TNRC18: variants seen among roughly 807,000 people sequenced by gnomAD.
TNRC18 encodes the protein trinucleotide repeat-containing gene 18 protein.
TNRC18 carries 69 observed loss-of-function variants against 226.7 expected under a neutral mutation model. That is an observed-to-expected ratio of 0.30 (90% CI 0.25 to 0.37). The LOEUF (loss-of-function observed/expected upper bound fraction) is 0.37. Ranked by LOEUF, TNRC18 falls within the 10% of genes least tolerant of loss-of-function variation. The pLI, the probability that TNRC18 is intolerant of heterozygous loss-of-function variation, is 1.00. For synonymous variants in TNRC18, 2,449 were observed against 1,927.6 expected, an observed-to-expected ratio of 1.27 and a Z score of -7.09; for missense variants, 4,754 against 4,256.6, an observed-to-expected ratio of 1.12 and a Z score of -3.25.
intron 19 of TNRC18, chr7:5,325,477 G>A (rs1301532925): frequency 4.6e-5 from 22 of 475,334 alleles, no homozygotes; most frequent in South Asian, 7.2e-5. Flanking sequence ...AGGCTGGAGC[G>A]CAGTGGCGCG....
intron 5 of TNRC18, among the ~76,000 whole-genome samples, chr7:5,385,504 AAAAAAAAAAAAAAG>A (rs1434756254): frequency 2.3e-5 from 2 of 86,252 alleles, no homozygotes; most frequent in Non-Finnish European, 4.7e-5. Context: ...CAAAAAAAAA[AAAAAAAAAAAAAAG>A]AAAAAAAAAT....
Position 5,312,332 on chromosome 7 carries a change from C to T in TNRC18, c.8388+171G>A, listed in dbSNP as rs1369696887. On this transcript the variant is annotated intron_variant, in intron 27 of 29. Coordinates refer to ENST00000430969, the MANE Select transcript of TNRC18 (RefSeq NM_001080495.3). This position sits in a 1 kb window ranked among gnomAD's most constrained non-coding sequence, Gnocchi z 6.3. ...ATCGGAGTCCGACAGACCCAGGTGC[C>T]TGAGGACACTCTGAGACTCAGTGTA... is the stretch of plus-strand genomic sequence containing the variant. 1.3e-5 allele frequency among the ~76,000 whole-genome samples: 2 copies of T among 152,220 alleles called. No individual in the cohort carries two copies. The highest frequency in any genetic ancestry group is 2.9e-5 in the Non-Finnish European group (2 of 68,038).
chr7:5,323,797 A>G (rs893353284), intron 21 of TNRC18, among the ~76,000 whole-genome samples: 4 of 151,746 alleles, frequency 2.6e-5, no homozygotes, highest in African/African-American at 9.7e-5. Context: ...GGAACTCCTG[A>G]CCTCAGGTGA....
chr7:5,323,436 C>G lies in TNRC18; in HGVS notation c.6442+778G>C, dbSNP rs911818560. ...ACTCCCTCCTAATGTGTGCACCCTG[C>G]CCCGCCTCCTTCCCTGCTGCCCCCA... On this transcript the variant is annotated intron_variant, in intron 21 of 29. Coordinates refer to ENST00000430969, the MANE Select transcript of TNRC18 (RefSeq NM_001080495.3). Among the ~76,000 whole-genome samples the G allele has an allele frequency of 5.9e-5, 9 of 151,476 alleles. 1 individual carries two copies. The highest frequency in any genetic ancestry group is 5.3e-4 in the Admixed American group (8 of 15,142).
chr7:5,374,539 C>G, intron 9 of TNRC18, 55 bp from the exon 10 acceptor site: 1 of 1,499,358 alleles, frequency 6.7e-7, no homozygotes, highest in Admixed American at 2.1e-5. Flanking sequence ...CCCTCCCCGA[C>G]GCCCGCACCT....
chr7:5,412,705 G>A, intron 2 of TNRC18, among the ~76,000 whole-genome samples: 2 of 152,174 alleles, frequency 1.3e-5, no homozygotes, highest in East Asian at 3.8e-4. Flanking sequence ...GTCATCACAT[G>A]CCCTTTAACT....
chr7:5,360,702 C>T (rs1338669304), intron 14 of TNRC18, among the ~76,000 whole-genome samples: 2 of 152,056 alleles, frequency 1.3e-5, no homozygotes, highest in Non-Finnish European at 2.9e-5. Context: ...GCCCTCTTCT[C>T]CGGGAAGCTC....
intron 2 of TNRC18, among the ~76,000 whole-genome samples, chr7:5,408,940 G>C (rs1462926328): frequency 6.6e-6 from 1 of 152,184 alleles, no homozygotes; most frequent in Admixed American, 6.5e-5. Flanking sequence ...GGACCAAAGG[G>C]AAAACAGGAA....
chr7:5,312,719 G>C lies in TNRC18; in HGVS notation c.8172C>G (p.Pro2724=), dbSNP rs1409198573. 1 of 1,564,244 alleles carries C rather than the reference G, an allele frequency of 6.4e-7. No homozygotes were observed. The highest frequency in any genetic ancestry group is 8.6e-7 in the Non-Finnish European group (1 of 1,159,088). Reference sequence around the variant, plus strand: ...GCTGCGGAGGAGGCGCCTGGGGCTGGGGCGCGGGCGTCTTCTTGCCTGGGG... The same window carrying C: ...GCTGCGGAGGAGGCGCCTGGGGCTGCGGCGCGGGCGTCTTCTTGCCTGGGG... ...AHSPGKKTPA[P]QPQAPPPQPT... Residue 2724 remains proline, a synonymous_variant, in exon 27 of 30, where the codon CCC becomes CCG. Transcript: ENST00000430969. The surrounding 1 kb of genome is among the most constrained non-coding windows in gnomAD (Gnocchi z 6.3).
intron 18 of TNRC18, among the ~76,000 whole-genome samples, chr7:5,334,556 C>G (rs1191373572): frequency 6.6e-6 from 1 of 151,988 alleles, no homozygotes; most frequent in Admixed American, 6.6e-5. Flanking sequence ...CTCGGCCTCC[C>G]AAAGTGCTGG....
chr7:5,312,917 T>TGAGGAC lies in TNRC18; in HGVS notation c.7968_7973dup (p.Ser2670_Ser2671dup). 7.1e-7 allele frequency: 1 copy of TGAGGAC among 1,404,004 alleles called. No homozygotes were observed. Among genetic ancestry groups the TGAGGAC allele is most frequent in the South Asian group, 1.4e-5 (1 of 71,336 alleles). The allele number at this position is 1,404,004 out of a possible 1,614,324, so 87.0% of individuals were successfully genotyped here. Reference sequence around the variant, plus strand: ...AGGAAGAGGAGGAGGAGGAGGAGGATGAGGACGAGGAAGAGGAGGAGGAGG... The same window carrying TGAGGAC: ...AGGAAGAGGAGGAGGAGGAGGAGGATGAGGACGAGGACGAGGAAGAGGAGGAGGAGG... On this transcript the variant is annotated inframe_insertion, in exon 27 of 30. Coordinates refer to ENST00000430969, the MANE Select transcript of TNRC18 (RefSeq NM_001080495.3). This position sits in a 1 kb window ranked among gnomAD's most constrained non-coding sequence, Gnocchi z 6.3.
chr7:5,392,540 G>T (rs536801906), intron 3 of TNRC18, among the ~76,000 whole-genome samples: 5 of 152,290 alleles, frequency 3.3e-5, no homozygotes, highest in Non-Finnish European at 5.9e-5. Context: ...CTTGAACCCG[G>T]GAGGTAGAGG....
At position 5,377,477 on chromosome 7, in the gene TNRC18, C is replaced by A; in HGVS notation, c.2355G>T (p.Leu785=). The change falls in exon 7 of 30, where the codon CTG becomes CTT. Residue 785 remains leucine (L), a synonymous_variant. Coordinates refer to ENST00000430969, the MANE Select transcript of TNRC18 (RefSeq NM_001080495.3). This position sits in a 1 kb window ranked among gnomAD's most constrained non-coding sequence, Gnocchi z 5.8. ...PNLMVTGGPA[L]AGSGRWSADP... ...CGGCAGACCAGCGACCTGAGCCCGC[C>A]AGCGCCGGGCCCCCCGTCACCATGA... The A allele has an allele frequency of 6.3e-7, 1 of 1,581,588 alleles. No individual in the cohort carries two copies. Among genetic ancestry groups the A allele is most frequent in the Admixed American group, 1.8e-5 (1 of 54,804 alleles).
Position 5,371,007 on chromosome 7 carries a change from C to G in TNRC18, c.3587G>C (p.Cys1196Ser), listed in dbSNP as rs1467064915. The G allele has an allele frequency of 2.6e-5, 42 of 1,607,738 alleles. No homozygotes were observed. Among genetic ancestry groups the G allele is most frequent in the Non-Finnish European group, 3.1e-5 (36 of 1,179,736 alleles). The part of the protein sequence containing the change: ...AMATPSPAGG[C>S]GGGLLEAQAL... ...CTGGGCCTCCAACAGGCCACCTCCA[C>G]AACCCCCTGCAGGGCTGGGGGTAGC... The change falls in exon 11 of 30, where the codon TGT becomes TCT. Residue 1196 changes from cysteine to serine, a missense_variant. Physicochemically the swap from Cys to Ser is moderately radical, Grantham distance 112. Transcript: ENST00000430969.
chr7:5,372,397 A>G (rs1439087047), intron 10 of TNRC18, among the ~76,000 whole-genome samples: 1 of 150,554 alleles, frequency 6.6e-6, no homozygotes, highest in Non-Finnish European at 1.5e-5. Context: ...AATTTTTTAT[A>G]TTTTTAGTAG....
At chr7:5,384,919 G>C (rs757269050) in intron 5 of TNRC18, among the ~76,000 whole-genome samples, 13 of 152,240 alleles carry the variant, frequency 8.5e-5, no homozygotes, top group Admixed American at 2.0e-4. Context: ...CGCTCACCAT[G>C]AGCCAGCCCT....
intron 18 of TNRC18, among the ~76,000 whole-genome samples, chr7:5,345,157 C>T (rs1562521224): frequency 6.6e-6 from 1 of 152,172 alleles, no homozygotes. Flanking sequence ...CGTGGCTGTT[C>T]CTTCCCCTGC....
intron 19 of TNRC18, among the ~76,000 whole-genome samples, chr7:5,330,590 C>T (rs913028575): frequency 2.6e-5 from 4 of 151,950 alleles, no homozygotes; most frequent in African/African-American, 9.7e-5. Flanking sequence ...ATAGGAGAAA[C>T]CCACTTCACA....
chr7:5,349,787 A>G (rs1176364570), intron 17 of TNRC18, among the ~76,000 whole-genome samples: 2 of 152,234 alleles, frequency 1.3e-5, no homozygotes, highest in African/African-American at 4.8e-5. Context: ...AGAAGCAGAC[A>G]TACTAGAAAA....
Sources: gnomAD v4.1 joint callset for allele counts (sites outside exome capture counted in the v4.1 genomes callset) on GRCh38, gnomAD v4.1.1 for gene constraint, Gnocchi (gnomAD v3.1) non-coding constraint, MANE v1.5 for transcripts, NCBI Gene and HGNC (gene_info 2026-07-23, HGNC 2026-07-21) for gene names.